Variants in SPMIP4 observed in about 807,000 individuals in gnomAD.
The protein encoded by SPMIP4 is sperm-associated microtubule inner protein 4.
At chr7:25,127,816 A>AT in the SPMIP4 span, among the ~76,000 whole-genome samples, 402 of 152,010 alleles carry the variant, frequency 2.6e-3, 2 homozygotes, top group African/African-American at 9.3e-3. Context: ...TGGGCTTTTT[A>AT]TTTTTTTGTA....
At chr7:25,160,232 C>T in the SPMIP4 span, among the ~76,000 whole-genome samples, 3 of 46,288 alleles carry the variant, frequency 6.5e-5, no homozygotes, top group Admixed American at 7.4e-4. Flanking sequence ...TACCTATCAA[C>T]AACTAGTACT....
At chr7:25,144,205 C>G in the SPMIP4 span, among the ~76,000 whole-genome samples, 1 of 152,198 alleles carries the variant, frequency 6.6e-6, no homozygotes, top group Non-Finnish European at 1.5e-5. Context: ...GTCTGTATTC[C>G]ATTTCACTAA....
At chr7:25,174,658 T>C in the SPMIP4 span, among the ~76,000 whole-genome samples, 1 of 152,220 alleles carries the variant, frequency 6.6e-6, no homozygotes, top group African/African-American at 2.4e-5. This position sits in a 1 kb window ranked among gnomAD's most constrained non-coding sequence, Gnocchi z 4.5. Flanking sequence ...TGAAATTCTA[T>C]AATGAAATCC....
At chr7:25,144,053 G>A in the SPMIP4 span, among the ~76,000 whole-genome samples, 2 of 152,158 alleles carry the variant, frequency 1.3e-5, no homozygotes, top group African/African-American at 4.8e-5. Context: ...AGATGTGGAG[G>A]CCAAAGGAAC....
the SPMIP4 span, among the ~76,000 whole-genome samples, chr7:25,139,582 C>T: frequency 4.6e-5 from 7 of 152,054 alleles, no homozygotes; most frequent in Non-Finnish European, 1.0e-4. Flanking sequence ...TTAGGAACAT[C>T]CTTTTGAAAG....
chr7:25,142,474 C>T, the SPMIP4 span: 10 of 842,248 alleles, frequency 1.2e-5, no homozygotes, highest in South Asian at 5.7e-5. Context: ...CTCCCAGCTA[C>T]CTATGAAGAG....
chr7:25,161,416 A>C, the SPMIP4 span, among the ~76,000 whole-genome samples: 1 of 151,976 alleles, frequency 6.6e-6, no homozygotes, highest in Non-Finnish European at 1.5e-5. Flanking sequence ...ATTTTATAAT[A>C]AATAGAGACG....
chr7:25,162,068 C>T, the SPMIP4 span, among the ~76,000 whole-genome samples: 2 of 151,424 alleles, frequency 1.3e-5, no homozygotes, highest in Non-Finnish European at 2.9e-5. Context: ...GCCAGGAGTT[C>T]GAGACTAGCC....
the SPMIP4 span, chr7:25,142,098 C>G: frequency 1.7e-6 from 1 of 602,696 alleles, no homozygotes; most frequent in South Asian, 2.1e-5. Context: ...CAGTTCAAAT[C>G]AGCTCAGAAT....
the SPMIP4 span, chr7:25,155,134 C>CG: frequency 2.5e-6 from 4 of 1,611,432 alleles, no homozygotes; most frequent in South Asian, 4.4e-5. Flanking sequence ...GGGAACATGG[C>CG]GCCGCGACAG....
chr7:25,136,385 G>A, the SPMIP4 span: 3 of 1,614,164 alleles, frequency 1.9e-6, no homozygotes, highest in Non-Finnish European at 2.5e-6. This position sits in a 1 kb window ranked among gnomAD's most constrained non-coding sequence, Gnocchi z 5.7. Context: ...TTACAGTAAG[G>A]TGTGGGTTGG....
At chr7:25,141,040 T>A in the SPMIP4 span, among the ~76,000 whole-genome samples, 1 of 152,218 alleles carries the variant, frequency 6.6e-6, no homozygotes, top group Non-Finnish European at 1.5e-5. Flanking sequence ...ACAACACATA[T>A]GCAAACTATT....
the SPMIP4 span, chr7:25,180,150 G>C: frequency 6.6e-6 from 1 of 152,632 alleles, no homozygotes; most frequent in East Asian, 1.9e-4. Context: ...GGGGCTGGGG[G>C]CGCTTGTGAC....
chr7:25,155,150 T>C, the SPMIP4 span: 3 of 1,608,512 alleles, frequency 1.9e-6, no homozygotes, highest in East Asian at 2.2e-5. Flanking sequence ...GACAGATGTG[T>C]GTGTGGTAGG....
chr7:25,140,820 C>A, the SPMIP4 span, among the ~76,000 whole-genome samples: 1 of 152,072 alleles, frequency 6.6e-6, no homozygotes, highest in Admixed American at 6.6e-5. Context: ...CTCCTGACCT[C>A]AGGCGATCCA....
At chr7:25,169,322 T>C in the SPMIP4 span, among the ~76,000 whole-genome samples, 25 of 152,294 alleles carry the variant, frequency 1.6e-4, no homozygotes, top group East Asian at 4.8e-3. Flanking sequence ...CAGTCAACTT[T>C]ACAGCATTTT....
At chr7:25,153,279 A>T in the SPMIP4 span, among the ~76,000 whole-genome samples, 1 of 152,046 alleles carries the variant, frequency 6.6e-6, no homozygotes, top group Non-Finnish European at 1.5e-5. Flanking sequence ...AAGTGTTTTT[A>T]TGGGCTGGCC....
chr7:25,157,506 T>C, the SPMIP4 span, among the ~76,000 whole-genome samples: 2 of 152,314 alleles, frequency 1.3e-5, no homozygotes, highest in South Asian at 2.1e-4. Context: ...GCCAACGGCA[T>C]GTACCCTTGC....
At chr7:25,158,432 G>T in the SPMIP4 span, 6 of 1,015,238 alleles carry the variant, frequency 5.9e-6, no homozygotes, top group Non-Finnish European at 9.0e-6. Context: ...ACACTTCTAA[G>T]ACATAGGAAA....
Sources: allele counts gnomAD v4.1 joint callset (sites outside exome capture counted in the v4.1 genomes callset), GRCh38; gene constraint gnomAD v4.1.1; non-coding constraint Gnocchi (gnomAD v3.1); transcripts MANE v1.5; gene names NCBI Gene and HGNC (gene_info 2026-07-23, HGNC 2026-07-21).